The following FGF22 variants were observed in gnomAD, a reference collection of about 807,000 sequenced individuals.
The protein encoded by FGF22 is fibroblast growth factor 22.
A neutral mutation model predicts 10.3 loss-of-function variants in FGF22; 11 were observed. That is an observed-to-expected ratio of 1.07 (90% CI 0.67 to 1.77). The LOEUF (loss-of-function observed/expected upper bound fraction) is 1.77, where lower values mean the gene tolerates loss of function less well. FGF22 is among the 40% of genes most tolerant of loss of function. FGF22 has a pLI of 0.00. For missense variants in FGF22, 317 were observed against 273.2 expected (o/e 1.16, Z -1.13); for synonymous variants, 136 against 122.1 (o/e 1.11, Z -0.75).
At chr19:640,110 A>T in exon 1 of FGF22, 1 of 1,380,542 alleles carries the variant, frequency 7.2e-7, no homozygotes. Context: ...GGCCGCGTGC[A>T]GGGCACCCGC....
chr19:641,400 C>G (rs1985896247), intron 1 of FGF22: 2 of 378,264 alleles, frequency 5.3e-6, no homozygotes, highest in East Asian at 7.5e-5. Flanking sequence ...CACGGTGAAA[C>G]CCCGTCTCTA....
At chr19:643,769 G>A in exon 3 of FGF22, 1 of 634,562 alleles carries the variant, frequency 1.6e-6, no homozygotes, top group East Asian at 2.8e-5. Flanking sequence ...GCCTGAGGGG[G>A]TGGTGGCCAC....
At chr19:639,941 T>A in exon 1 of FGF22, 1 of 1,228,706 alleles carries the variant, frequency 8.1e-7, no homozygotes, top group Non-Finnish European at 1.0e-6. Flanking sequence ...CCGCCGCCTG[T>A]GGCTGGGCCT....
Position 643,339 on chromosome 19 carries a change from G to C in FGF22, c.318+1G>C. 1 of 1,607,642 alleles carries C rather than the reference G, an allele frequency of 6.2e-7. No individual in the cohort carries two copies. The highest frequency in any genetic ancestry group is 1.3e-5 in the African/African-American group (1 of 74,764). On this transcript the variant is annotated splice_donor_variant, in intron 2 of 2. Coordinates refer to ENST00000215530, the Ensembl canonical transcript of FGF22. LOFTEE classifies it high-confidence loss of function. ...CCGCCGGGGCCGCCTCTACGGGTCG[G>C]TGAGTGCCGGGCAGGGCTGGGCGGC... is the stretch of plus-strand genomic sequence containing the variant.
rs551965184 is a variant in FGF22, at chr19:640,802, C to T, written c.214+663C>T. On this transcript the variant is annotated intron_variant, in intron 1 of 2. Transcript: ENST00000215530. ...AGGCCAGGGGAGTCGGTGTCCCCGC[C>T]GGGCGGGGGGCACTGGGAAGGGGGC... The T allele has an allele frequency of 4.0e-4, 87 of 219,814 alleles. 1 individual carries two copies. In the South Asian group the frequency reaches 4.2e-3, roughly 11 times the overall value. 13.6% of individuals were successfully genotyped at this position (219,814 alleles called of 1,614,324 possible).
At chr19:643,616 G>T in exon 3 of FGF22, 7 of 1,502,342 alleles carry the variant, frequency 4.7e-6, no homozygotes, top group Non-Finnish European at 6.2e-6. Flanking sequence ...GCCCTGAGAG[G>T]CCGGCGGCTC....
intron 1 of FGF22, chr19:640,375 G>A: frequency 2.8e-6 from 1 of 356,498 alleles, no homozygotes; most frequent in Non-Finnish European, 5.0e-6. Context: ...CGTCCGTGTG[G>A]TACAACCCTG....
chr19:640,482 G>A (rs1366173224), intron 1 of FGF22: 5 of 212,064 alleles, frequency 2.4e-5, no homozygotes, highest in East Asian at 1.9e-4. Context: ...GCTGACCTCC[G>A]GACTCCTGAC....
At chr19:642,880 C>G (rs2144744371) in intron 1 of FGF22, among the ~76,000 whole-genome samples, 1 of 152,144 alleles carries the variant, frequency 6.6e-6, no homozygotes, top group Non-Finnish European at 1.5e-5. Flanking sequence ...GTGGGAGCCC[C>G]CCCGCCATAC....
chr19:643,750 G>T, exon 3 of FGF22: 1 of 708,048 alleles, frequency 1.4e-6, no homozygotes, highest in South Asian at 1.9e-5. Flanking sequence ...GCCCTCCAGG[G>T]GGGTCCCAGC....
chr19:643,320 G>A (rs548300337), exon 2 of FGF22: 3 of 1,611,022 alleles, frequency 1.9e-6, no homozygotes, highest in South Asian at 2.2e-5. Flanking sequence ...TGAACCGCCG[G>A]GGCCGCCTCT....
At chr19:643,442 GCGCATCGAA>G (rs1349530119) in exon 3 of FGF22, 1 of 1,611,406 alleles carries the variant, frequency 6.2e-7, no homozygotes, top group Non-Finnish European at 8.5e-7. Flanking sequence ...GGTTCCGGGA[GCGCATCGAA>G]GAGAACGGCC....
chr19:642,136 T>G (rs1985921208), intron 1 of FGF22, among the ~76,000 whole-genome samples: 1 of 152,172 alleles, frequency 6.6e-6, no homozygotes, highest in Non-Finnish European at 1.5e-5. Flanking sequence ...TCTAGGCCAC[T>G]GCCAGCCCGG....
chr19:642,921 T>G (rs1985951830), intron 1 of FGF22, among the ~76,000 whole-genome samples: 1 of 152,050 alleles, frequency 6.6e-6, no homozygotes, highest in Non-Finnish European at 1.5e-5. Flanking sequence ...TGGGCTGAGC[T>G]GCAGGGACAG....
intron 2 of FGF22, 29 bp downstream of exon 2, chr19:643,367 G>A (rs777683023): frequency 3.1e-5 from 49 of 1,602,160 alleles, no homozygotes; most frequent in South Asian, 8.8e-5. Flanking sequence ...TGGGCGGCGC[G>A]GGCAGGGTGG....
chr19:640,161 C>T (rs1372394423), intron 1 of FGF22, 22 bp downstream of exon 1: 12 of 1,273,878 alleles, frequency 9.4e-6, no homozygotes, highest in African/African-American at 1.6e-5. Flanking sequence ...GCGGCGGGGG[C>T]CTGGGGTGGG....
At chr19:643,667 T>C in exon 3 of FGF22, 1 of 1,327,694 alleles carries the variant, frequency 7.5e-7, no homozygotes, top group East Asian at 2.5e-5. Flanking sequence ...CCGGCCACGC[T>C]TGTTCTTCCC....
rs528721087 is a variant in FGF22, at chr19:641,649, G to A, written c.214+1510G>A. 30 of 193,834 alleles carry A rather than the reference G, an allele frequency of 1.5e-4. No individual in the cohort carries two copies. In the East Asian group the frequency reaches 4.0e-3, roughly 26 times the overall value. 12.0% of individuals were successfully genotyped at this position (193,834 alleles called of 1,614,324 possible). A position where few individuals can be genotyped will look rare whatever the true frequency, so the allele number is the denominator to read the frequency against. ...GTGGGTGCGCAGAACAGTGAACGGC[G>A]GTGTTGGGAGGCACCTTGCCAGGGG... On this transcript the variant is annotated intron_variant, in intron 1 of 2. Transcript: ENST00000215530.
exon 3 of FGF22, chr19:643,678 C>G (rs938692653): frequency 5.5e-6 from 7 of 1,271,556 alleles, no homozygotes; most frequent in South Asian, 1.5e-5. Context: ...TGTTCTTCCC[C>G]CTGCGGGCTC....
Sources: allele counts gnomAD v4.1 joint callset (sites outside exome capture counted in the v4.1 genomes callset), GRCh38; gene constraint gnomAD v4.1.1; transcripts MANE v1.5; gene names NCBI Gene and HGNC (gene_info 2026-07-23, HGNC 2026-07-21).